RALGAPA1: variants seen among roughly 807,000 people sequenced by gnomAD.
RALGAPA1 encodes Ral GTPase activating protein catalytic subunit alpha 1.
Under a neutral mutation model 269.6 loss-of-function variants are expected in RALGAPA1, and 52 were observed. The observed-to-expected ratio is 0.19, with a 90% CI of 0.15 to 0.24. RALGAPA1 has a LOEUF of 0.24. Among genes scored for constraint, RALGAPA1 ranks in the 10% least tolerant of loss-of-function variants. RALGAPA1 has a pLI of 1.00. For synonymous variants in RALGAPA1, 817 were observed against 1,008.3 expected, an observed-to-expected ratio of 0.81 and a Z score of 3.60; for missense variants, 1,917 against 3,013.9, an observed-to-expected ratio of 0.64 and a Z score of 8.52.
Position 35,723,135 on chromosome 14 carries a change from T to C in RALGAPA1, c.1996A>G (p.Met666Val), listed in dbSNP as rs761809492. The change falls in exon 15 of 42, where the codon ATG (methionine) becomes GTG (valine). Residue 666 changes from methionine to valine, a missense_variant. This residue lies in a region of RALGAPA1 where 40 missense variants were observed against 112.6 expected (regional missense o/e 0.36). Coordinates refer to ENST00000680220, the MANE Select transcript of RALGAPA1 (RefSeq NM_001346249.2). ...EELATEWSLTMETLTKVLARN... is the reference protein window; with the variant it reads ...EELATEWSLTVETLTKVLARN... ...GCTAAAACTTTAGTTAATGTCTCCATAGTCAGTGACCACTCAGTGGCCAAC... is the reference window on the plus strand; with the variant it reads ...GCTAAAACTTTAGTTAATGTCTCCACAGTCAGTGACCACTCAGTGGCCAAC... 1.9e-6 allele frequency: 3 copies of C among 1,608,966 alleles called. No homozygotes were observed. The highest frequency in any genetic ancestry group is 1.1e-5 in the South Asian group (1 of 90,936).
intron 29 of RALGAPA1, 66 bp from the exon 30 acceptor site, chr14:35,654,543 T>C: frequency 6.7e-7 from 1 of 1,495,162 alleles, no homozygotes; most frequent in Non-Finnish European, 8.9e-7. Flanking sequence ...TATTATCTGC[T>C]GAAAATTTTT....
intron 21 of RALGAPA1, among the ~76,000 whole-genome samples, chr14:35,683,132 T>C (rs185217135): frequency 1.2e-3 from 186 of 152,168 alleles, no homozygotes; most frequent in African/African-American, 4.2e-3. Context: ...CACAGTGAGG[T>C]TGGATTATAG....
rs749130445 is a variant in RALGAPA1, at chr14:35,738,494, T to C, written c.1587+19A>G. 2.6e-6 allele frequency: 4 copies of C among 1,548,996 alleles called. No homozygotes were observed. Among genetic ancestry groups the C allele is most frequent in the Non-Finnish European group, 3.5e-6 (4 of 1,153,632 alleles). On this transcript the variant is annotated intron_variant, in intron 12 of 41. Transcript: ENST00000680220. ...TTAATGATTATTTTATTTTTAAAAA[T>C]AGCCATAAAGTGATCCACCTGCAAA...
At chr14:35,794,750 C>T (rs1286267237) in intron 1 of RALGAPA1, among the ~76,000 whole-genome samples, 4 of 152,102 alleles carry the variant, frequency 2.6e-5, no homozygotes, top group Non-Finnish European at 5.9e-5. Flanking sequence ...CCACTGTGAC[C>T]GGCCAATCCA....
rs1043943032 is a variant in RALGAPA1 at position 35,651,867 on chromosome 14, T to C, written c.5614A>G (p.Ile1872Val). Residue 1872 changes from isoleucine to valine, a missense_variant, in exon 31 of 42, where the codon ATA becomes GTA. This residue lies in a region of RALGAPA1 where 346 missense variants were observed against 566.1 expected (regional missense o/e 0.61). Transcript: ENST00000680220. Reference sequence around the variant, plus strand: ...GGTAAAAGATGGGTGATGGTAGCTATTAGGATCTGTAAGCAAAAAAAAATT... The same window carrying C: ...GGTAAAAGATGGGTGATGGTAGCTACTAGGATCTGTAAGCAAAAAAAAATT... Reference protein sequence around the residue: ...DSPLKIIQILIATITHLLPST... With the variant: ...DSPLKIIQILVATITHLLPST... 1.3e-6 allele frequency: 2 copies of C among 1,563,258 alleles called. No homozygotes were observed. Among genetic ancestry groups the C allele is most frequent in the Non-Finnish European group, 1.7e-6 (2 of 1,163,606 alleles).
intron 33 of RALGAPA1, among the ~76,000 whole-genome samples, chr14:35,633,918 CTA>C (rs1311069885): frequency 8.5e-5 from 13 of 152,126 alleles, no homozygotes; most frequent in South Asian, 4.2e-4. Flanking sequence ...ACTGAGTTAA[CTA>C]TGTACTAAGT....
chr14:35,756,767 G>T, intron 7 of RALGAPA1, 26 bp downstream of exon 7: 1 of 1,455,626 alleles, frequency 6.9e-7, no homozygotes, highest in Non-Finnish European at 9.6e-7. Flanking sequence ...AGTAAGGAGT[G>T]TGATATCAAA....
chr14:35,658,910 A>G (rs1337471537), intron 28 of RALGAPA1, among the ~76,000 whole-genome samples: 1 of 152,126 alleles, frequency 6.6e-6, no homozygotes, highest in African/African-American at 2.4e-5. Context: ...TTTTAGAGAT[A>G]AAGAGTGAAG....
chr14:35,698,726 G>C (rs1245581894), intron 17 of RALGAPA1, among the ~76,000 whole-genome samples: 1 of 152,094 alleles, frequency 6.6e-6, no homozygotes, highest in East Asian at 1.9e-4. Context: ...AACAAACTCA[G>C]AGTTTCTTTT....
At chr14:35,719,951 A>G (rs544838483) in intron 16 of RALGAPA1, among the ~76,000 whole-genome samples, 13 of 152,240 alleles carry the variant, frequency 8.5e-5, no homozygotes, top group Non-Finnish European at 1.5e-4. Flanking sequence ...ACGGGGTTTC[A>G]GCATGTTGGT....
chr14:35,738,701 C>T, intron 11 of RALGAPA1, 51 bp from the exon 12 acceptor site: 1 of 1,462,318 alleles, frequency 6.8e-7, no homozygotes, highest in Non-Finnish European at 9.4e-7. Flanking sequence ...AATGCTGCAA[C>T]TAGTCAGTTA....
rs566120067 is a variant in RALGAPA1, at chr14:35,620,223, C to T, written c.6929+5138G>A. 1.8e-4 allele frequency among the ~76,000 whole-genome samples: 27 copies of T among 152,242 alleles called. 1 individual carries two copies. The South Asian group carries it at 5.4e-3, about 30-fold the overall frequency. ...GGTCCAACATACGCAAATCAATAAA[C>T]GTCATCCATCATATAAACAGAACCA... On this transcript the variant is annotated intron_variant, in intron 35 of 41. Transcript: ENST00000680220.
intron 17 of RALGAPA1, among the ~76,000 whole-genome samples, chr14:35,695,491 A>G (rs2066830114): frequency 6.6e-6 from 1 of 152,130 alleles, no homozygotes; most frequent in African/African-American, 2.4e-5. Context: ...AATTCAAATA[A>G]TAACATATCG....
chr14:35,779,386 T>C lies in RALGAPA1; in HGVS notation c.107-3641A>G. Among the ~76,000 whole-genome samples, 2 of 152,016 alleles carry C rather than the reference T, an allele frequency of 1.3e-5. 1 individual carries two copies. The highest frequency in any genetic ancestry group is 3.9e-4 in the East Asian group (2 of 5,174). ...ACAAAACTAAAAAATCAGCCAAGCATGGTGGCATGTGCCTCTAGTCCCAGC... is the reference window on the plus strand; with the variant it reads ...ACAAAACTAAAAAATCAGCCAAGCACGGTGGCATGTGCCTCTAGTCCCAGC... On this transcript the variant is annotated intron_variant, in intron 1 of 41. Transcript: ENST00000680220.
At chr14:35,667,629 T>C (rs2064053459) in intron 26 of RALGAPA1, among the ~76,000 whole-genome samples, 1 of 152,144 alleles carries the variant, frequency 6.6e-6, no homozygotes, top group South Asian at 2.1e-4. Context: ...ATGCCAAAAG[T>C]TTCTGGTGTG....
intron 16 of RALGAPA1, among the ~76,000 whole-genome samples, chr14:35,714,111 A>G (rs1443976934): frequency 6.6e-6 from 1 of 151,518 alleles, no homozygotes; most frequent in Non-Finnish European, 1.5e-5. Context: ...AAAAAAAAAA[A>G]TTGATGAGAG....
intron 10 of RALGAPA1, among the ~76,000 whole-genome samples, chr14:35,745,707 T>A (rs2072010408): frequency 7.5e-6 from 1 of 133,898 alleles, no homozygotes; most frequent in Non-Finnish European, 1.5e-5. Flanking sequence ...GAGTCTGCAG[T>A]GAGCCGAGAT....
At chr14:35,601,052 T>C (rs1046025047) in intron 36 of RALGAPA1, among the ~76,000 whole-genome samples, 2 of 152,192 alleles carry the variant, frequency 1.3e-5, no homozygotes, top group Admixed American at 1.3e-4. Flanking sequence ...CAATCTCTGT[T>C]GACACCTGGG....
chr14:35,629,262 T>G (rs2061175669), intron 33 of RALGAPA1, among the ~76,000 whole-genome samples: 1 of 146,934 alleles, frequency 6.8e-6, no homozygotes, highest in African/African-American at 2.5e-5. Flanking sequence ...CATTAGTCAT[T>G]CATGTTAGGA....
Sources: allele counts gnomAD v4.1 joint callset (sites outside exome capture counted in the v4.1 genomes callset), GRCh38; gene constraint gnomAD v4.1.1; regional missense constraint gnomAD v4.1.1; transcripts MANE v1.5; gene names NCBI Gene and HGNC (gene_info 2026-07-23, HGNC 2026-07-21).